The following ZNF423 variants were observed in gnomAD, a reference collection of about 807,000 sequenced individuals.
ZNF423 encodes Ebf-associated zinc finger protein.
A neutral mutation model predicts 95.8 loss-of-function variants in ZNF423; 12 were observed. That is an observed-to-expected ratio of 0.13 (90% CI 0.08 to 0.20). The LOEUF (loss-of-function observed/expected upper bound fraction) is 0.20, where lower values mean the gene tolerates loss of function less well. Among genes scored for constraint, ZNF423 ranks in the 10% least tolerant of loss-of-function variants. The pLI, the probability that ZNF423 is intolerant of heterozygous loss-of-function variation, is 1.00. For synonymous variants in ZNF423, 749 were observed against 711.9 expected, an observed-to-expected ratio of 1.05 and a Z score of -0.83; for missense variants, 1,316 against 1,737.1, an observed-to-expected ratio of 0.76 and a Z score of 4.31.
intron 3 of ZNF423, among the ~76,000 whole-genome samples, chr16:49,702,111 C>T (rs1306912378): frequency 6.6e-6 from 1 of 152,188 alleles, no homozygotes; most frequent in Non-Finnish European, 1.5e-5. Context: ...CTGCTGAATT[C>T]AAAGCATTTT....
chr16:49,598,536 G>T (rs1444193007), intron 5 of ZNF423, among the ~76,000 whole-genome samples: 1 of 152,224 alleles, frequency 6.6e-6, no homozygotes, highest in Non-Finnish European at 1.5e-5. Flanking sequence ...GCTGCCTGGA[G>T]ATTTGTGGGC....
chr16:49,728,422 T>TG (rs376534484), intron 3 of ZNF423, among the ~76,000 whole-genome samples: 1 of 152,262 alleles, frequency 6.6e-6, no homozygotes, highest in African/African-American at 2.4e-5. Flanking sequence ...CTCCAGGATT[T>TG]GGGGGTATTC....
At chr16:49,609,045 C>T (rs1158878931) in intron 5 of ZNF423, among the ~76,000 whole-genome samples, 1 of 152,142 alleles carries the variant, frequency 6.6e-6, no homozygotes, top group Non-Finnish European at 1.5e-5. Flanking sequence ...TCCCCTCCTA[C>T]CTAACAGTAA....
intron 3 of ZNF423, among the ~76,000 whole-genome samples, chr16:49,709,283 G>C (rs559246053): frequency 6.6e-6 from 1 of 151,410 alleles, no homozygotes; most frequent in African/African-American, 2.4e-5. Flanking sequence ...ACCATCCCTC[G>C]AGGTCAGGAC....
At chr16:49,600,741 G>A (rs144975830) in intron 5 of ZNF423, among the ~76,000 whole-genome samples, 2 of 152,176 alleles carry the variant, frequency 1.3e-5, no homozygotes, top group South Asian at 2.1e-4. Flanking sequence ...CCATTAGCTC[G>A]TAATGGCCCC....
At chr16:49,552,103 T>C (rs946872231) in intron 5 of ZNF423, among the ~76,000 whole-genome samples, 2 of 152,188 alleles carry the variant, frequency 1.3e-5, no homozygotes, top group African/African-American at 4.8e-5. Flanking sequence ...TGGGCAGCCA[T>C]GGAAGGGGTG....
At chr16:49,542,662 T>C (rs908639479) in intron 5 of ZNF423, among the ~76,000 whole-genome samples, 10 of 152,178 alleles carry the variant, frequency 6.6e-5, no homozygotes, top group African/African-American at 2.4e-4. Context: ...CCATAGCCAG[T>C]TCAGACACTC....
intron 1 of ZNF423, among the ~76,000 whole-genome samples, chr16:49,841,430 T>C (rs533844499): frequency 6.6e-6 from 1 of 152,144 alleles, no homozygotes; most frequent in East Asian, 1.9e-4. Flanking sequence ...AAAGAAAGCC[T>C]AAGGTCCCCA....
intron 3 of ZNF423, among the ~76,000 whole-genome samples, chr16:49,692,649 TGAG>T (rs1412100410): frequency 6.6e-6 from 1 of 152,112 alleles, no homozygotes; most frequent in Non-Finnish European, 1.5e-5. Flanking sequence ...GGAGAAAGGA[TGAG>T]GAGGAGGCAG....
intron 5 of ZNF423, among the ~76,000 whole-genome samples, chr16:49,581,846 A>T (rs1043662260): frequency 6.6e-5 from 10 of 152,158 alleles, no homozygotes; most frequent in Non-Finnish European, 1.5e-5. Flanking sequence ...GCAGACAGGC[A>T]CTCAGCTTAA....
chr16:49,806,225 G>A (rs2034661311), intron 1 of ZNF423, among the ~76,000 whole-genome samples: 1 of 152,202 alleles, frequency 6.6e-6, no homozygotes, highest in Non-Finnish European at 1.5e-5. Context: ...GGGCACCCCA[G>A]CCCCCCAGGG....
At chr16:49,526,940 T>TC (rs1014617991) in intron 5 of ZNF423, among the ~76,000 whole-genome samples, 2 of 152,080 alleles carry the variant, frequency 1.3e-5, no homozygotes, top group Non-Finnish European at 2.9e-5. Context: ...CCCTTTGGGC[T>TC]CCCCCAGGGA....
rs942215712 is a variant in ZNF423, at chr16:49,630,306, C to T, written c.3517-4052G>A. Among the ~76,000 whole-genome samples the T allele has an allele frequency of 6.6e-5, 10 of 152,208 alleles. 1 individual carries two copies. Among genetic ancestry groups the T allele is most frequent in the South Asian group, 6.2e-4 (3 of 4,828 alleles). The stretch of plus-strand genomic sequence containing the variant: ...GGCCATGGTCGTGGAGATGAACCAC[C>T]TCGGGTGTCTCCAGCATCAAAACCA... On this transcript the variant is annotated intron_variant, in intron 4 of 7. Coordinates refer to ENST00000563137, the MANE Select transcript of ZNF423 (RefSeq NM_001379286.1).
rs562509680 is a variant in ZNF423, at chr16:49,605,389, C to T, written c.3601+20781G>A. On this transcript the variant is annotated intron_variant, in intron 5 of 7. Coordinates refer to ENST00000563137, the MANE Select transcript of ZNF423 (RefSeq NM_001379286.1). ...TGCAACCTCGGGAAAGTGTCTGTCC[C>T]TCTCAAAGCCTCAGCTTCCTGAAAA... Among the ~76,000 whole-genome samples the T allele has an allele frequency of 5.3e-5, 8 of 152,350 alleles. No homozygotes were observed. In the South Asian group the frequency reaches 8.3e-4, roughly 16 times the overall value.
chr16:49,699,571 A>G (rs1045127244), intron 3 of ZNF423, among the ~76,000 whole-genome samples: 2 of 152,124 alleles, frequency 1.3e-5, no homozygotes. Context: ...TTTGGCAAAT[A>G]GTATGTGTTT....
intron 1 of ZNF423, among the ~76,000 whole-genome samples, chr16:49,841,174 C>T (rs1225634281): frequency 6.6e-6 from 1 of 151,968 alleles, no homozygotes; most frequent in African/African-American, 2.4e-5. Context: ...GGTAGGAGCC[C>T]AAATCTGTCT....
chr16:49,708,414 G>A (rs919391804), intron 3 of ZNF423, among the ~76,000 whole-genome samples: 1 of 152,056 alleles, frequency 6.6e-6, no homozygotes, highest in Admixed American at 6.5e-5. Context: ...AGCCTCCCCA[G>A]TAGCTGGGAT....
intron 1 of ZNF423, among the ~76,000 whole-genome samples, chr16:49,844,991 C>T (rs1323698390): frequency 1.5e-5 from 2 of 135,638 alleles, no homozygotes; most frequent in African/African-American, 2.9e-5. Flanking sequence ...GCAGAGTTCG[C>T]GCCATTGCAC....
intron 5 of ZNF423, among the ~76,000 whole-genome samples, chr16:49,547,936 C>T (rs1004596968): frequency 6.6e-6 from 1 of 152,208 alleles, no homozygotes. Flanking sequence ...GCGTTTTCCA[C>T]GGCCTCCTTC....
Sources: gnomAD v4.1 joint callset for allele counts (sites outside exome capture counted in the v4.1 genomes callset) on GRCh38, gnomAD v4.1.1 for gene constraint, MANE v1.5 for transcripts, NCBI Gene and HGNC (gene_info 2026-07-23, HGNC 2026-07-21) for gene names.